The following NSDHL variants were observed in gnomAD, a reference collection of about 807,000 sequenced individuals.
NSDHL encodes NAD(P) dependent 3-beta-hydroxysteroid dehydrogenase NSDHL, also known as sterol-4-alpha-carboxylate 3-dehydrogenase, decarboxylating.
NSDHL carries 1 observed loss-of-function variant against 23.0 expected under a neutral mutation model. The observed-to-expected ratio is 0.04, with a 90% CI of 0.02 to 0.21. The LOEUF (loss-of-function observed/expected upper bound fraction) is 0.21, where lower values mean the gene tolerates loss of function less well. Among genes scored for constraint, NSDHL ranks in the 10% least tolerant of loss-of-function variants. The pLI, the probability that NSDHL is intolerant of heterozygous loss-of-function variation, is 1.00. For synonymous variants in NSDHL, 128 were observed against 121.1 expected (o/e 1.06, Z -0.37); for missense variants, 237 against 300.9 (o/e 0.79, Z 1.57).
chrX:152,858,543 T>G (rs1354555269), intron 3 of NSDHL, among the ~76,000 whole-genome samples: 1 of 111,794 alleles, frequency 8.9e-6, no homozygotes, highest in Non-Finnish European at 1.9e-5. Context: ...CCCAAACCCC[T>G]TTTGACTGGG....
At chrX:152,838,871 T>C (rs1300388513) in intron 1 of NSDHL, among the ~76,000 whole-genome samples, 4 of 111,728 alleles carry the variant, frequency 3.6e-5, no homozygotes, top group Non-Finnish European at 7.5e-5. Context: ...TTCTGTCTTG[T>C]TGATCTGTCT....
chrX:152,865,706 AGT>A, intron 5 of NSDHL, 111 bp from the exon 6 acceptor site: 2 of 938,506 alleles, frequency 2.1e-6, no homozygotes, highest in Non-Finnish European at 3.1e-6. Context: ...ATGCCAGCAG[AGT>A]GTGTCATCTG....
chrX:152,841,808 A>G (rs6627270), intron 1 of NSDHL, among the ~76,000 whole-genome samples: 6,596 of 111,676 alleles, frequency 0.059, 158 homozygotes, highest in South Asian at 0.13. Context: ...CATAACAGAA[A>G]ATGTACCATC....
intron 1 of NSDHL, among the ~76,000 whole-genome samples, chrX:152,840,234 C>T (rs1343153116): frequency 5.4e-5 from 6 of 111,928 alleles, no homozygotes; most frequent in African/African-American, 2.0e-4. Context: ...AGCTTCCTTG[C>T]GATGGGTTAG....
chrX:152,835,725 G>A (rs1933085435), intron 1 of NSDHL, among the ~76,000 whole-genome samples: 1 of 111,780 alleles, frequency 8.9e-6, no homozygotes, highest in South Asian at 3.8e-4. Flanking sequence ...TTGGTTCCAA[G>A]CCTTTGCTAT....
chrX:152,866,698 G>C, intron 6 of NSDHL, among the ~76,000 whole-genome samples: 1 of 112,220 alleles, frequency 8.9e-6, no homozygotes, highest in Non-Finnish European at 1.9e-5. Context: ...CTTGCTTTCT[G>C]TGTCCAAATT....
At position 152,868,690 on chromosome X, in the gene NSDHL, A is replaced by G. The variant is rs1163101510; in HGVS notation, c.790-94A>G. On this transcript the variant is annotated intron_variant, in intron 7 of 7. Transcript: ENST00000370274. ...ACGTGGAAAGCTGCAGCAATTAGGC[A>G]GTGAGAATGCGATCTGCACGGGCTT... The G allele has an allele frequency of 5.5e-6, 4 of 729,391 alleles. No homozygotes were observed. In the African/African-American group the frequency reaches 6.2e-5, roughly 11 times the overall value. 60.1% of individuals were successfully genotyped at this position (729,391 alleles called of 1,213,427 possible).
chrX:152,869,418 T>G lies in NSDHL; in HGVS notation c.*302T>G. ...TTGCCCCCTCTTCTGGTTTATACAT[T>G]TCATTCCAGTGTCCTTGTACATAAT... On this transcript the variant is annotated 3_prime_UTR_variant, in exon 8 of 8. Coordinates refer to ENST00000370274, the MANE Select transcript of NSDHL (RefSeq NM_015922.3). 2 of 342,895 alleles carry G rather than the reference T, an allele frequency of 5.8e-6. No homozygotes were observed. Among genetic ancestry groups the G allele is most frequent in the Admixed American group, 4.5e-5 (1 of 22,340 alleles). 28.3% of individuals were successfully genotyped at this position (342,895 alleles called of 1,213,427 possible). A position where few individuals can be genotyped will look rare whatever the true frequency, so the allele number is the denominator to read the frequency against.
intron 3 of NSDHL, among the ~76,000 whole-genome samples, chrX:152,853,205 A>G (rs1325019238): frequency 9.3e-6 from 1 of 107,404 alleles, no homozygotes; most frequent in Non-Finnish European, 1.9e-5. Flanking sequence ...TACCTCATGG[A>G]CACTTCAAGC....
intron 2 of NSDHL, among the ~76,000 whole-genome samples, chrX:152,848,764 A>C (rs901355117): frequency 1.5e-4 from 17 of 112,118 alleles, no homozygotes; most frequent in African/African-American, 5.5e-4. Context: ...GGCAGCTCAG[A>C]GTTATTCTAA....
rs147597261 is a variant in NSDHL at position 152,851,418 on chromosome X, A to T, written c.267+995A>T. Among the ~76,000 whole-genome samples the T allele has an allele frequency of 5.5e-3, 613 of 111,168 alleles. 6 individuals carry two copies. The highest frequency in any genetic ancestry group is 0.019 in the African/African-American group (586 of 30,487). On this transcript the variant is annotated intron_variant, in intron 3 of 7. Coordinates refer to ENST00000370274, the MANE Select transcript of NSDHL (RefSeq NM_015922.3). ...GTTACCTTTGCTTCCTTGTTGATCT[A>T]GTTGGGATGCCAATCCTGTGCCCGT... is the stretch of plus-strand genomic sequence containing the variant.
chrX:152,864,449 T>C (rs1451355125), intron 5 of NSDHL, among the ~76,000 whole-genome samples: 1 of 111,936 alleles, frequency 8.9e-6, no homozygotes, highest in Non-Finnish European at 1.9e-5. Context: ...CTCAACCCAA[T>C]ATGCCTGATA....
intron 6 of NSDHL, among the ~76,000 whole-genome samples, chrX:152,867,348 C>A (rs1333162385): frequency 8.9e-6 from 1 of 112,108 alleles, no homozygotes; most frequent in African/African-American, 3.2e-5. Flanking sequence ...GTGGGCAGGT[C>A]CCCCAGCTTT....
intron 3 of NSDHL, among the ~76,000 whole-genome samples, chrX:152,854,061 A>G (rs1933401615): frequency 8.9e-6 from 1 of 112,132 alleles, no homozygotes; most frequent in Admixed American, 9.4e-5. Context: ...TGTCCCCTCA[A>G]AGGAGACGAG....
intron 1 of NSDHL, among the ~76,000 whole-genome samples, chrX:152,833,212 A>C (rs1933040246): frequency 9.4e-6 from 1 of 106,506 alleles, no homozygotes; most frequent in African/African-American, 3.6e-5. Context: ...CTTCCAGCCA[A>C]CAGTAAGCTA....
chrX:152,847,737 T>G (rs1291050592), intron 2 of NSDHL, among the ~76,000 whole-genome samples: 1 of 112,186 alleles, frequency 8.9e-6, no homozygotes, highest in Non-Finnish European at 1.9e-5. Flanking sequence ...ATAAGACCTC[T>G]CTGAGAAAAG....
Position 152,863,938 on chromosome X carries a change from T to G in NSDHL, c.543+1214T>G, listed in dbSNP as rs782741133. On this transcript the variant is annotated intron_variant, in intron 5 of 7. Transcript: ENST00000370274. ...TTTTTTTTTTCTTTTTTGAGATGGA[T>G]TCTCACTCTGTTGCCCAGGCTGGAG... is the stretch of plus-strand genomic sequence containing the variant. 1.7e-3 allele frequency among the ~76,000 whole-genome samples: 180 copies of G among 108,573 alleles called. 1 individual carries two copies. The highest frequency in any genetic ancestry group is 5.8e-3 in the African/African-American group (171 of 29,693). The allele number at this position is 108,573 out of a possible 115,157, so 94.3% of individuals were successfully genotyped here. A position where few individuals can be genotyped will look rare whatever the true frequency, so the allele number is the denominator to read the frequency against.
intron 1 of NSDHL, among the ~76,000 whole-genome samples, chrX:152,836,001 G>C (rs1933090366): frequency 8.9e-6 from 1 of 112,228 alleles, no homozygotes; most frequent in Non-Finnish European, 1.9e-5. Flanking sequence ...ATTCTAACTA[G>C]TGTGAGATGG....
chrX:152,838,202 T>C (rs1363906590), intron 1 of NSDHL, among the ~76,000 whole-genome samples: 1 of 112,070 alleles, frequency 8.9e-6, no homozygotes, highest in Non-Finnish European at 1.9e-5. Flanking sequence ...TCTTTATTAG[T>C]CTTGCTAGCG....
Sources: allele counts gnomAD v4.1 joint callset (sites outside exome capture counted in the v4.1 genomes callset), GRCh38; gene constraint gnomAD v4.1.1; transcripts MANE v1.5; gene names NCBI Gene and HGNC (gene_info 2026-07-23, HGNC 2026-07-21).